The following CRYBG1 variants were observed in gnomAD, a reference collection of about 807,000 sequenced individuals.
CRYBG1 encodes the protein crystallin beta-gamma domain containing 1, also known as beta/gamma crystallin domain-containing protein 1.
Under a neutral mutation model 189.2 loss-of-function variants are expected in CRYBG1, and 139 were observed. The ratio of observed to expected loss-of-function variants is 0.73; its 90% CI spans 0.64 to 0.85. CRYBG1 has a LOEUF of 0.85. Ranked by LOEUF, CRYBG1 falls within the 40% of genes least tolerant of loss-of-function variation. The pLI, the probability that CRYBG1 is intolerant of heterozygous loss-of-function variation, is 0.00. For synonymous variants in CRYBG1, 1,023 were observed against 1,017.1 expected (o/e 1.01, Z -0.11); for missense variants, 2,611 against 2,675.8 (o/e 0.98, Z 0.53).
rs1489803799 is a variant in CRYBG1, at chr6:106,571,973, C to A, written c.*3407C>A. ...GGCACTCACCAAATAAGAACGTCAA[C>A]AATCACTAAACTGCATTTTTATTTA... On this transcript the variant is annotated 3_prime_UTR_variant, in exon 22 of 22. Transcript: ENST00000633556. 1.3e-6 allele frequency: 2 copies of A among 1,575,482 alleles called. No homozygotes were observed. Among genetic ancestry groups the A allele is most frequent in the Non-Finnish European group, 8.7e-7 (1 of 1,146,296 alleles).
At chr6:106,466,891 T>A (rs1483272615) in intron 2 of CRYBG1, among the ~76,000 whole-genome samples, 1 of 152,206 alleles carries the variant, frequency 6.6e-6, no homozygotes, top group Non-Finnish European at 1.5e-5. Flanking sequence ...AAGACATATT[T>A]GTGATAAATG....
Position 106,519,832 on chromosome 6 carries a change from C to T in CRYBG1, c.2624C>T (p.Ser875Leu). ...PAESSPGPSL[S>L]LSAPAPGDVP... ...GAGTCATCTCCTGGGCCTTCTCTTT[C>T]ACTGTCTGCACCCGCTCCTGGGGAT... Residue 875 changes from serine (S) to leucine (L), a missense_variant, in exon 4 of 22, where the codon TCA becomes TTA. Coordinates refer to ENST00000633556, the MANE Select transcript of CRYBG1 (RefSeq NM_001371242.2). 1 of 1,614,220 alleles carries T rather than the reference C, an allele frequency of 6.2e-7. No individual in the cohort carries two copies. The highest frequency in any genetic ancestry group is 1.3e-5 in the African/African-American group (1 of 75,058).
chr6:106,479,316 C>T (rs1056250545), intron 2 of CRYBG1, among the ~76,000 whole-genome samples: 2 of 152,192 alleles, frequency 1.3e-5, no homozygotes, highest in Non-Finnish European at 2.9e-5. Flanking sequence ...TTATTTCTTA[C>T]AGTCCCATCA....
chr6:106,462,269 C>T (rs1772025403), intron 2 of CRYBG1, among the ~76,000 whole-genome samples: 1 of 152,196 alleles, frequency 6.6e-6, no homozygotes, highest in Admixed American at 6.5e-5. Flanking sequence ...CTCCCGGGTT[C>T]ACGCCATTCT....
Position 106,512,337 on chromosome 6 carries a change from A to G in CRYBG1, c.1220A>G (p.Asp407Gly). ...TPRAEDCGDW[D>G]DMEKRSSGRR... ...AGAGCGGAAGATTGCGGTGACTGGGACGACATGGAGAAGAGGTCCAGCGGC... is the reference window on the plus strand; with the variant it reads ...AGAGCGGAAGATTGCGGTGACTGGGGCGACATGGAGAAGAGGTCCAGCGGC... Residue 407 changes from aspartate to glycine, a missense_variant, in exon 3 of 22, where the codon GAC becomes GGC. Physicochemically the swap from Asp to Gly is moderately conservative, Grantham distance 94. Transcript: ENST00000633556. 6.2e-7 allele frequency: 1 copy of G among 1,610,424 alleles called. No individual in the cohort carries two copies. The highest frequency in any genetic ancestry group is 8.5e-7 in the Non-Finnish European group (1 of 1,179,138).
At chr6:106,498,240 A>G (rs1772899525) in intron 2 of CRYBG1, among the ~76,000 whole-genome samples, 1 of 152,246 alleles carries the variant, frequency 6.6e-6, no homozygotes, top group African/African-American at 2.4e-5. Flanking sequence ...TATAGCTTAC[A>G]CTAGAAAAGT....
At position 106,512,489 on chromosome 6, in the gene CRYBG1, A is replaced by C. The variant is rs1304542708; in HGVS notation, c.1372A>C (p.Ser458Arg). 1 of 1,611,504 alleles carries C rather than the reference A, an allele frequency of 6.2e-7. No individual in the cohort carries two copies. The highest frequency in any genetic ancestry group is 8.5e-7 in the Non-Finnish European group (1 of 1,179,306). Reference sequence around the variant, plus strand: ...CGACGAGGTGGCGCCAAACGCGGCCAGCGATAACGCCTCGGCGGAAAAGAA... The same window carrying C: ...CGACGAGGTGGCGCCAAACGCGGCCCGCGATAACGCCTCGGCGGAAAAGAA... ...FDDEVAPNAA[S>R]DNASAEKKVK... Residue 458 changes from serine to arginine, a missense_variant, in exon 3 of 22, where the codon AGC becomes CGC. Physicochemically the swap from Ser to Arg is moderately radical, Grantham distance 110 (BLOSUM62 -1). This residue lies in a region of CRYBG1 where 985 missense variants were observed against 924.4 expected (regional missense o/e 1.07). Coordinates refer to ENST00000633556, the MANE Select transcript of CRYBG1 (RefSeq NM_001371242.2).
At chr6:106,516,164 T>A (rs1209581031) in intron 3 of CRYBG1, among the ~76,000 whole-genome samples, 1 of 152,116 alleles carries the variant, frequency 6.6e-6, no homozygotes, top group Non-Finnish European at 1.5e-5. Context: ...AGAGAATATT[T>A]TATCCAGAAG....
chr6:106,561,240 C>A, intron 19 of CRYBG1, 102 bp from the exon 20 acceptor site: 1 of 1,274,172 alleles, frequency 7.8e-7, no homozygotes, highest in Non-Finnish European at 1.1e-6. Flanking sequence ...GGTAATTACC[C>A]TTAATCCATA....
chr6:106,447,570 A>ATATATATATATATATATATATC (rs1554236449), intron 1 of CRYBG1, among the ~76,000 whole-genome samples: 6 of 138,866 alleles, frequency 4.3e-5, no homozygotes, highest in African/African-American at 1.6e-4. Flanking sequence ...ATATATATAT[A>ATATATATATATATATATATATC]TATCTACTAT....
At chr6:106,365,826 G>C (rs570392881) in intron 1 of CRYBG1, among the ~76,000 whole-genome samples, 1 of 151,746 alleles carries the variant, frequency 6.6e-6, no homozygotes, top group Non-Finnish European at 1.5e-5. Flanking sequence ...AAATCAGCTC[G>C]CCTTGTTTCA....
intron 2 of CRYBG1, among the ~76,000 whole-genome samples, chr6:106,490,021 G>A (rs1030469728): frequency 1.3e-5 from 2 of 152,182 alleles, no homozygotes; most frequent in Non-Finnish European, 2.9e-5. Flanking sequence ...GGAAGAATTT[G>A]TCTTCTACGG....
At chr6:106,498,870 T>G (rs1772917809) in intron 2 of CRYBG1, among the ~76,000 whole-genome samples, 1 of 151,214 alleles carries the variant, frequency 6.6e-6, no homozygotes, top group Non-Finnish European at 1.5e-5. Flanking sequence ...GTGAGACCCG[T>G]CTCAAAAAGA....
chr6:106,493,133 T>G (rs184862697), intron 2 of CRYBG1, among the ~76,000 whole-genome samples: 26 of 152,296 alleles, frequency 1.7e-4, no homozygotes, highest in Admixed American at 4.6e-4. Context: ...AAATTAGATA[T>G]CACTATCTTT....
intron 2 of CRYBG1, among the ~76,000 whole-genome samples, chr6:106,475,208 T>C (rs780910401): frequency 6.6e-6 from 1 of 152,198 alleles, no homozygotes; most frequent in Admixed American, 6.5e-5. Context: ...GAGGGATAAC[T>C]AAATAATCAG....
intron 1 of CRYBG1, among the ~76,000 whole-genome samples, chr6:106,385,904 G>C (rs1306458842): frequency 6.6e-6 from 1 of 152,144 alleles, no homozygotes; most frequent in Non-Finnish European, 1.5e-5. Context: ...CACTAAGAAT[G>C]ATGCTCTCAG....
chr6:106,531,261 TA>T (rs1232892290), intron 8 of CRYBG1, among the ~76,000 whole-genome samples: 1 of 152,214 alleles, frequency 6.6e-6, no homozygotes. Flanking sequence ...TAGGATAAAT[TA>T]CAGATCATAG....
At chr6:106,538,340 G>A (rs1001442172) in intron 8 of CRYBG1, among the ~76,000 whole-genome samples, 13 of 152,106 alleles carry the variant, frequency 8.5e-5, no homozygotes, top group Non-Finnish European at 1.6e-4. Context: ...AGAGGAGGGT[G>A]GGGCTGCTGG....
rs377249877 is a variant in CRYBG1, at chr6:106,476,655, C to A, written c.312+24823C>A. ...CATTTGGTATGTGAATTATATTCCT[C>A]CTCCCCATGAATCACTATTAAAAAT... On this transcript the variant is annotated intron_variant, in intron 2 of 21. Coordinates refer to ENST00000633556, the MANE Select transcript of CRYBG1 (RefSeq NM_001371242.2). Among the ~76,000 whole-genome samples the A allele has an allele frequency of 6.0e-4, 92 of 152,082 alleles. 4 individuals carry two copies. The South Asian group carries it at 0.018, about 29-fold the overall frequency.
Sources: gnomAD v4.1 joint callset for allele counts (sites outside exome capture counted in the v4.1 genomes callset) on GRCh38, gnomAD v4.1.1 for gene constraint, gnomAD v4.1.1 regional missense constraint, MANE v1.5 for transcripts, NCBI Gene and HGNC (gene_info 2026-07-23, HGNC 2026-07-21) for gene names.